Variants in EEF1A2 observed in about 807,000 individuals in gnomAD.
The protein encoded by EEF1A2 is elongation factor 1-alpha 2.
Under a neutral mutation model 39.3 loss-of-function variants are expected in EEF1A2, and 5 were observed. The ratio of observed to expected loss-of-function variants is 0.13; its 90% CI spans 0.07 to 0.27. EEF1A2 has a LOEUF of 0.27. Among genes scored for constraint, EEF1A2 ranks in the 10% least tolerant of loss-of-function variants. The pLI, the probability that EEF1A2 is intolerant of heterozygous loss-of-function variation, is 1.00. For missense variants in EEF1A2, 218 were observed against 681.4 expected, an observed-to-expected ratio of 0.32 and a Z score of 7.57; for synonymous variants, 287 against 293.7, an observed-to-expected ratio of 0.98 and a Z score of 0.23.
In EEF1A2 at chr20:63,493,044, G is replaced by C. The variant is rs528479001; in HGVS notation, c.772+93C>G. On this transcript the variant is annotated intron_variant, in intron 5 of 7. Coordinates refer to ENST00000217182, the MANE Select transcript of EEF1A2 (RefSeq NM_001958.5). ...GTGTGTGGTAAGGGGAGAGATTGGA[G>C]ACAGCCCAGTCTTGAGATGCCTTGT... is the stretch of plus-strand genomic sequence containing the variant. The C allele has an allele frequency of 2.8e-6, 4 of 1,450,706 alleles. No homozygotes were observed. The African/African-American group carries it at 5.7e-5, about 21-fold the overall frequency. 89.9% of individuals were successfully genotyped at this position (1,450,706 alleles called of 1,614,324 possible). A position where few individuals can be genotyped will look rare whatever the true frequency, so the allele number is the denominator to read the frequency against.
rs1182658557 is a variant in EEF1A2 at position 63,498,955 on chromosome 20, G to A, written c.-72+103C>T. ...CCGGACTCCGGGCGCGCGCGGGGGC[G>A]GGTGCGGGGCCCGGCCACCCTCTGC... On this transcript the variant is annotated intron_variant, in intron 1 of 7. Transcript: ENST00000217182. The surrounding 1 kb of genome is among the most constrained non-coding windows in gnomAD (Gnocchi z 4.1). 6.7e-6 allele frequency: 1 copy of A among 149,342 alleles called. No homozygotes were observed. The highest frequency in any genetic ancestry group is 1.5e-5 in the Non-Finnish European group (1 of 67,106). The allele number at this position is 149,342 out of a possible 1,614,324, so 9.3% of individuals were successfully genotyped here.
At chr20:63,496,760 A>C (rs1270942009) in intron 2 of EEF1A2, 1 of 152,486 alleles carries the variant, frequency 6.6e-6, no homozygotes, top group Non-Finnish European at 1.5e-5. Context: ...GAGCAGACCC[A>C]GATGGGACCC....
At chr20:63,492,419 TAGAG>T (rs1281698721) in intron 5 of EEF1A2, among the ~76,000 whole-genome samples, 6 of 136,628 alleles carry the variant, frequency 4.4e-5, no homozygotes, top group Admixed American at 1.4e-4. Flanking sequence ...GATGGATGGA[TAGAG>T]AGAAGGATGG....
intron 5 of EEF1A2, among the ~76,000 whole-genome samples, chr20:63,492,934 A>G (rs1354270062): frequency 7.1e-5 from 9 of 126,378 alleles, no homozygotes; most frequent in African/African-American, 2.7e-4. Flanking sequence ...GGATAGATGG[A>G]TGGGTGGATG....
rs532537080 is a variant in EEF1A2 at position 63,490,799 on chromosome 20, G to A, written c.773-64C>T. On this transcript the variant is annotated intron_variant, in intron 5 of 7. Transcript: ENST00000217182. ...GAGGGGATGCTGGGGCAGGATATTCGGGGACAGAGCCTGGAAACCAACAAA... is the reference window on the plus strand; with the variant it reads ...GAGGGGATGCTGGGGCAGGATATTCAGGGACAGAGCCTGGAAACCAACAAA... The A allele has an allele frequency of 9.0e-5, 139 of 1,538,922 alleles. 1 individual carries two copies. Among genetic ancestry groups the A allele is most frequent in the Non-Finnish European group, 1.1e-4 (122 of 1,140,378 alleles).
At chr20:63,491,876 A>AGATGGATGGATGGATG (rs1167375518) in intron 5 of EEF1A2, among the ~76,000 whole-genome samples, 5 of 62,336 alleles carry the variant, frequency 8.0e-5, no homozygotes, top group African/African-American at 1.3e-4. Flanking sequence ...GTGGATGGAT[A>AGATGGATGGATGGATG]GATGGATGGA....
intron 5 of EEF1A2, 52 bp from the exon 6 acceptor site, chr20:63,490,787 G>A (rs1346343700): frequency 6.4e-7 from 1 of 1,561,874 alleles, no homozygotes; most frequent in Non-Finnish European, 8.7e-7. Context: ...GGGATGCTGG[G>A]GCAGGATATT....
Position 63,496,041 on chromosome 20 carries a change from G to GCGGGTGAGGGTCA in EEF1A2, c.145-19_145-7dup, listed in dbSNP as rs1491157916. 1.2e-6 allele frequency: 2 copies of GCGGGTGAGGGTCA among 1,612,174 alleles called. No individual in the cohort carries two copies. Among genetic ancestry groups the GCGGGTGAGGGTCA allele is most frequent in the Non-Finnish European group, 1.7e-6 (2 of 1,179,868 alleles). On this transcript the variant is annotated splice_region_variant and splice_polypyrimidine_tract_variant and intron_variant, in intron 2 of 7. Coordinates refer to ENST00000217182, the MANE Select transcript of EEF1A2 (RefSeq NM_001958.5). ...TTGAAGGATCCCTTCCCCATCTGGA[G>GCGGGTGAGGGTCA]CGGGTGAGGGTCACGGCTGAGGGCG...
chr20:63,488,198 GCGCCGGACCGGCGC>G lies in EEF1A2; in HGVS notation c.*86_*99del. ...GACATGCGCCTGGCGGGGGTGCGGG[GCGCCGGACCGGCGC>G]GCGGGGCGGGGGCGGGGCGGGGGCC... is the stretch of plus-strand genomic sequence containing the variant. On this transcript the variant is annotated 3_prime_UTR_variant, in exon 8 of 8. Transcript: ENST00000217182. 10 of 794,682 alleles carry G rather than the reference GCGCCGGACCGGCGC, an allele frequency of 1.3e-5. 1 individual carries two copies. Among genetic ancestry groups the G allele is most frequent in the Non-Finnish European group, 1.5e-5 (10 of 662,426 alleles). 49.2% of individuals were successfully genotyped at this position (794,682 alleles called of 1,614,324 possible).
intron 5 of EEF1A2, 37 bp downstream of exon 5, chr20:63,493,100 G>A (rs989613970): frequency 3.2e-6 from 5 of 1,539,494 alleles, no homozygotes; most frequent in African/African-American, 1.4e-5. Context: ...AGGCAGAGCT[G>A]GCCAGGCAGG....
In EEF1A2 at chr20:63,493,256, C is replaced by T. The variant is rs1459691759; in HGVS notation, c.653G>A (p.Arg218His). 4 of 1,538,760 alleles carry T rather than the reference C, an allele frequency of 2.6e-6. No individual in the cohort carries two copies. The highest frequency in any genetic ancestry group is 1.4e-5 in the African/African-American group (1 of 72,730). ...CACGCCGCTTGCGTTGCCCTCCTTA[C>T]GCTCCACCTTCCAGCCCTTGAACCA... ...MPWFKGWKVE[R>H]KEGNASGVSL... is the part of the protein sequence containing the mutation. Residue 218 changes from arginine to histidine, a missense_variant, in exon 5 of 8, where the codon CGT becomes CAT. Arg to His is a conservative substitution (Grantham distance 29). This residue lies in a region of EEF1A2 where 79 missense variants were observed against 172.3 expected (regional missense o/e 0.46). Transcript: ENST00000217182.
At chr20:63,495,832 C>T (rs551171247) in intron 3 of EEF1A2, 24 bp downstream of exon 3, 3 of 1,610,158 alleles carry the variant, frequency 1.9e-6, no homozygotes, top group Non-Finnish European at 2.5e-6. Context: ...TCTCCCCCAG[C>T]CCCGCCTGCT....
At position 63,497,908 on chromosome 20, in the gene EEF1A2, G is replaced by C. The variant is rs2145947019; in HGVS notation, c.-71-74C>G. The C allele has an allele frequency of 2.6e-6, 3 of 1,140,776 alleles. No individual in the cohort carries two copies. Among genetic ancestry groups the C allele is most frequent in the African/African-American group, 3.1e-5 (2 of 64,160 alleles). The allele number at this position is 1,140,776 out of a possible 1,614,324, so 70.7% of individuals were successfully genotyped here. ...GGAGACACCAGCAGAGACTGTCCTG[G>C]CACAGGCTGGACAGGCATCCCTGCC... On this transcript the variant is annotated intron_variant, in intron 1 of 7. Coordinates refer to ENST00000217182, the MANE Select transcript of EEF1A2 (RefSeq NM_001958.5). This position sits in a 1 kb window ranked among gnomAD's most constrained non-coding sequence, Gnocchi z 7.3.
At chr20:63,488,519 G>A (rs2082363433) in intron 7 of EEF1A2, 94 bp from the exon 8 acceptor site, 5 of 1,300,250 alleles carry the variant, frequency 3.8e-6, no homozygotes, top group African/African-American at 1.6e-5. Flanking sequence ...ACCGCGTCGG[G>A]AATGTCCTCG....
chr20:63,496,186 C>T, intron 2 of EEF1A2, 151 bp from the exon 3 acceptor site: 1 of 942,824 alleles, frequency 1.1e-6, no homozygotes, highest in Non-Finnish European at 1.6e-6. Context: ...GGGACGCCGG[C>T]CCCCTCCGTC....
At chr20:63,492,720 G>GGGGA in intron 5 of EEF1A2, among the ~76,000 whole-genome samples, 1 of 148,110 alleles carries the variant, frequency 6.8e-6, no homozygotes, top group Middle Eastern at 3.6e-3. Context: ...ATGGAGAGGT[G>GGGGA]GATGGATGGA....
chr20:63,493,429 T>C (rs1394691791), intron 4 of EEF1A2, 142 bp from the exon 5 acceptor site: 32 of 962,220 alleles, frequency 3.3e-5, no homozygotes, highest in Non-Finnish European at 4.3e-5. Context: ...TTCCCCACCC[T>C]GCTCCTCCCC....
Position 63,497,394 on chromosome 20 carries a change from A to C in EEF1A2, c.144+226T>G. Reference sequence around the variant, plus strand: ...CAGGTCACCTCCCTCACCACAGGGCAAGTCCGGCAGCTCGATGGCCACCCC... The same window carrying C: ...CAGGTCACCTCCCTCACCACAGGGCCAGTCCGGCAGCTCGATGGCCACCCC... On this transcript the variant is annotated intron_variant, in intron 2 of 7. Transcript: ENST00000217182. The surrounding 1 kb of genome is among the most constrained non-coding windows in gnomAD (Gnocchi z 7.3). 1 of 563,248 alleles carries C rather than the reference A, an allele frequency of 1.8e-6. No individual in the cohort carries two copies. The highest frequency in any genetic ancestry group is 2.9e-6 in the Non-Finnish European group (1 of 343,104). The allele number at this position is 563,248 out of a possible 1,614,324, so 34.9% of individuals were successfully genotyped here.
chr20:63,496,450 C>G (rs750084468), intron 2 of EEF1A2: 6 of 192,774 alleles, frequency 3.1e-5, no homozygotes, highest in Non-Finnish European at 6.5e-5. Context: ...GATAAATAAC[C>G]CTCTGTGTGT....
Sources: allele counts gnomAD v4.1 joint callset (sites outside exome capture counted in the v4.1 genomes callset), GRCh38; gene constraint gnomAD v4.1.1; regional missense constraint gnomAD v4.1.1; non-coding constraint Gnocchi (gnomAD v3.1); transcripts MANE v1.5; gene names NCBI Gene and HGNC (gene_info 2026-07-23, HGNC 2026-07-21).